Variants in CRMP1 observed in about 807,000 individuals in gnomAD.
CRMP1 encodes the protein dihydropyrimidinase-related protein 1.
In CRMP1, 19 loss-of-function variants were observed where a neutral mutation model predicts 68.3. The observed-to-expected ratio is 0.28, with a 90% CI of 0.19 to 0.41. The LOEUF is 0.41. CRMP1 is among the 10% of genes least tolerant of loss of function. The probability of loss-of-function intolerance (pLI) is 1.00; values close to 1 mark genes in which losing one functional copy is unlikely to be tolerated. For missense variants in CRMP1, 791 were observed against 967.4 expected, an observed-to-expected ratio of 0.82 and a Z score of 2.42; for synonymous variants, 439 against 399.6, an observed-to-expected ratio of 1.10 and a Z score of -1.18.
At chr4:5,822,147 G>A (rs1026620353) in intron 13 of CRMP1, among the ~76,000 whole-genome samples, 2 of 152,264 alleles carry the variant, frequency 1.3e-5, no homozygotes, top group Non-Finnish European at 2.9e-5. Context: ...CTTACTGAGT[G>A]CCTACTGTGT....
chr4:5,846,757 ATTTTTTTTTTTTTTT>A (rs71171490), intron 6 of CRMP1, among the ~76,000 whole-genome samples: 14 of 53,742 alleles, frequency 2.6e-4, no homozygotes, highest in South Asian at 6.9e-4. Flanking sequence ...TGCCCGGCTA[ATTTTTTTTTTTTTTT>A]TTTTTTTTTT....
chr4:5,887,328 C>T, intron 1 of CRMP1: 1 of 982,540 alleles, frequency 1.0e-6, no homozygotes, highest in African/African-American at 1.7e-5. Context: ...TCTGGAGTCA[C>T]CCTGGAGGAT....
In CRMP1 at chr4:5,892,490, C is replaced by A; in HGVS notation, c.381+99G>T. On this transcript the variant is annotated intron_variant, in intron 1 of 13. Coordinates refer to ENST00000324989, the MANE Select transcript of CRMP1 (RefSeq NM_001014809.3). The surrounding 1 kb of genome is among the most constrained non-coding windows in gnomAD (Gnocchi z 8.6). ...CTCTCCCCAGCCTGGCGGCCGCTGC[C>A]CCAACACCGGGGCCCGGGCATGGCC... The A allele has an allele frequency of 9.1e-7, 1 of 1,103,788 alleles. No individual in the cohort carries two copies. Among genetic ancestry groups the A allele is most frequent in the Admixed American group, 4.9e-5 (1 of 20,470 alleles). 68.4% of individuals were successfully genotyped at this position (1,103,788 alleles called of 1,614,324 possible).
rs1715790141 is a variant in CRMP1 at position 5,888,710 on chromosome 4, CAG to C, written c.381+3877_381+3878del. ...GGGCCCTGGCCTCGCTCTCGCGATC[CAG>C]AGAGTATGGTTTTCAGGGCTCCTTT... On this transcript the variant is annotated intron_variant, in intron 1 of 13. Coordinates refer to ENST00000324989, the MANE Select transcript of CRMP1 (RefSeq NM_001014809.3). This position sits in a 1 kb window ranked among gnomAD's most constrained non-coding sequence, Gnocchi z 6.4. 1.3e-6 allele frequency: 1 copy of C among 799,948 alleles called. No individual in the cohort carries two copies. Among genetic ancestry groups the C allele is most frequent in the Non-Finnish European group, 1.5e-6 (1 of 661,362 alleles). The allele number at this position is 799,948 out of a possible 1,614,324, so 49.6% of individuals were successfully genotyped here.
At position 5,866,242 on chromosome 4, in the gene CRMP1, C is replaced by T. The variant is rs1203682862; in HGVS notation, c.470+426G>A. 6.6e-6 allele frequency among the ~76,000 whole-genome samples: 1 copy of T among 152,184 alleles called. No homozygotes were observed. The highest frequency in any genetic ancestry group is 1.5e-5 in the Non-Finnish European group (1 of 68,038). Reference sequence around the variant, plus strand: ...TCCTTCCTCTCTGCTCTCCTCAACCCAATTCCAGAAACTGTGGGTAGGTGG... The same window carrying T: ...TCCTTCCTCTCTGCTCTCCTCAACCTAATTCCAGAAACTGTGGGTAGGTGG... On this transcript the variant is annotated intron_variant, in intron 2 of 13. Coordinates refer to ENST00000324989, the MANE Select transcript of CRMP1 (RefSeq NM_001014809.3). This position sits in a 1 kb window ranked among gnomAD's most constrained non-coding sequence, Gnocchi z 5.9.
chr4:5,888,193 G>C lies in CRMP1; in HGVS notation c.381+4396C>G. The C allele has an allele frequency of 8.0e-7, 1 of 1,251,862 alleles. No individual in the cohort carries two copies. Among genetic ancestry groups the C allele is most frequent in the Non-Finnish European group, 1.0e-6 (1 of 995,704 alleles). 77.5% of individuals were successfully genotyped at this position (1,251,862 alleles called of 1,614,324 possible). The stretch of plus-strand genomic sequence containing the variant: ...GGGCGCCCACTCCCAGCCCACAAAG[G>C]CCAGCGCGGGGCGGCGGGGGCGGGG... On this transcript the variant is annotated intron_variant, in intron 1 of 13. Coordinates refer to ENST00000324989, the MANE Select transcript of CRMP1 (RefSeq NM_001014809.3). This position sits in a 1 kb window ranked among gnomAD's most constrained non-coding sequence, Gnocchi z 6.4.
intron 1 of CRMP1, among the ~76,000 whole-genome samples, chr4:5,868,281 A>ATATATCTATC: frequency 1.1e-5 from 1 of 89,144 alleles, no homozygotes; most frequent in Non-Finnish European, 2.4e-5. Flanking sequence ...ATATATATAT[A>ATATATCTATC]TATATATATA....
intron 12 of CRMP1, chr4:5,826,577 G>C (rs1719661875): frequency 6.6e-6 from 1 of 152,198 alleles, no homozygotes; most frequent in Non-Finnish European, 1.5e-5. Flanking sequence ...TTCCAGGCAG[G>C]AGGCTGTCAG....
In CRMP1 at chr4:5,824,273, T is replaced by C. The variant is rs560535304; in HGVS notation, c.1969+1221A>G. On this transcript the variant is annotated intron_variant, in intron 13 of 13. Transcript: ENST00000324989. ...ATGAAGCCAATCCCTGGTTTGCTGA[T>C]TGAGCATCACATGACTTTTAGCATT... 17 of 985,036 alleles carry C rather than the reference T, an allele frequency of 1.7e-5. No homozygotes were observed. The African/African-American group carries it at 2.8e-4, about 16-fold the overall frequency. The allele number at this position is 985,036 out of a possible 1,614,324, so 61.0% of individuals were successfully genotyped here. A position where few individuals can be genotyped will look rare whatever the true frequency, so the allele number is the denominator to read the frequency against.
Position 5,841,171 on chromosome 4 carries a change from T to G in CRMP1, c.1153+137A>C. On this transcript the variant is annotated intron_variant, in intron 8 of 13. Coordinates refer to ENST00000324989, the MANE Select transcript of CRMP1 (RefSeq NM_001014809.3). This position sits in a 1 kb window ranked among gnomAD's most constrained non-coding sequence, Gnocchi z 6.9. ...ACCAAAGAATTCCAGCCACCATCCT[T>G]GTGTCAGGAGCATCCCCGCTCCACC... 2 of 1,302,162 alleles carry G rather than the reference T, an allele frequency of 1.5e-6. No individual in the cohort carries two copies. The highest frequency in any genetic ancestry group is 1.3e-5 in the South Asian group (1 of 76,832). 80.7% of individuals were successfully genotyped at this position (1,302,162 alleles called of 1,614,324 possible).
At chr4:5,849,771 T>C (rs1712486837) in intron 5 of CRMP1, among the ~76,000 whole-genome samples, 1 of 152,200 alleles carries the variant, frequency 6.6e-6, no homozygotes, top group African/African-American at 2.4e-5. Flanking sequence ...CCTTTTGCTG[T>C]CTTTTTGGGT....
At chr4:5,856,945 C>CCACCATCCACTAT (rs1713134064) in intron 3 of CRMP1, among the ~76,000 whole-genome samples, 1 of 9,624 alleles carries the variant, frequency 1.0e-4, no homozygotes, top group Non-Finnish European at 2.3e-4. Context: ...ACCATCATCA[C>CCACCATCCACTAT]CATCACCACC....
rs1712523050 is a variant in CRMP1 at position 5,850,257 on chromosome 4, T to C, written c.883-785A>G. ...CAAATAGGGAAGGCATGTGGAGGCA[T>C]GAAGCACTTTTGAGAACCTGCACGC... On this transcript the variant is annotated intron_variant, in intron 5 of 13. Coordinates refer to ENST00000324989, the MANE Select transcript of CRMP1 (RefSeq NM_001014809.3). This position sits in a 1 kb window ranked among gnomAD's most constrained non-coding sequence, Gnocchi z 4.4. Among the ~76,000 whole-genome samples, 1 of 152,226 alleles carries C rather than the reference T, an allele frequency of 6.6e-6. No individual in the cohort carries two copies. The highest frequency in any genetic ancestry group is 1.5e-5 in the Non-Finnish European group (1 of 68,048).
intron 6 of CRMP1, among the ~76,000 whole-genome samples, chr4:5,844,140 G>A (rs1712007189): frequency 6.6e-6 from 1 of 152,018 alleles, no homozygotes. Flanking sequence ...TTAAGCTCGA[G>A]GTTATTACAA....
At position 5,872,140 on chromosome 4, in the gene CRMP1, C is replaced by T. The variant is rs1714499352; in HGVS notation, c.382-5384G>A. Among the ~76,000 whole-genome samples, 1 of 152,266 alleles carries T rather than the reference C, an allele frequency of 6.6e-6. No homozygotes were observed. The highest frequency in any genetic ancestry group is 2.1e-4 in the South Asian group (1 of 4,812). On this transcript the variant is annotated intron_variant, in intron 1 of 13. Transcript: ENST00000324989. The surrounding 1 kb of genome is among the most constrained non-coding windows in gnomAD (Gnocchi z 4.6). ...TCATAAGAAGATAGAACTTAGAACC[C>T]TCCCCCACCCAAGTAATAAGATCAA...
Position 5,860,955 on chromosome 4 carries a change from A to C in CRMP1, c.655+71T>G, listed in dbSNP as rs1021013725. 2.0e-6 allele frequency: 3 copies of C among 1,496,448 alleles called. No individual in the cohort carries two copies. The allele number at this position is 1,496,448 out of a possible 1,614,324, so 92.7% of individuals were successfully genotyped here. A position where few individuals can be genotyped will look rare whatever the true frequency, so the allele number is the denominator to read the frequency against. On this transcript the variant is annotated intron_variant, in intron 3 of 13. Transcript: ENST00000324989. The surrounding 1 kb of genome is among the most constrained non-coding windows in gnomAD (Gnocchi z 4.2). ...GCAGAGAGCCTCGAACACACTGAGC[A>C]CTTGTGATGCTGGTGATGGGGAGGA...
chr4:5,823,361 C>G (rs1718998880), intron 13 of CRMP1, among the ~76,000 whole-genome samples: 1 of 152,238 alleles, frequency 6.6e-6, no homozygotes, highest in Non-Finnish European at 1.5e-5. Context: ...GGCCTGGAAT[C>G]AGGCCTAGCA....
Position 5,825,719 on chromosome 4 carries a change from A to C in CRMP1, c.1804-60T>G, listed in dbSNP as rs1719456423. Reference sequence around the variant, plus strand: ...ACTGTGCATGTGTGCCCTTCTGGGCAGATAAAGCAGAGCCCTGCGGGCGAG... The same window carrying C: ...ACTGTGCATGTGTGCCCTTCTGGGCCGATAAAGCAGAGCCCTGCGGGCGAG... On this transcript the variant is annotated intron_variant, in intron 12 of 13. Coordinates refer to ENST00000324989, the MANE Select transcript of CRMP1 (RefSeq NM_001014809.3). The surrounding 1 kb of genome is among the most constrained non-coding windows in gnomAD (Gnocchi z 4.4). 1 of 1,564,106 alleles carries C rather than the reference A, an allele frequency of 6.4e-7. No individual in the cohort carries two copies. Among genetic ancestry groups the C allele is most frequent in the Admixed American group, 2.0e-5 (1 of 50,840 alleles).
At chr4:5,849,549 G>A (rs892381782) in intron 5 of CRMP1, 77 bp from the exon 6 acceptor site, 15 of 982,360 alleles carry the variant, frequency 1.5e-5, no homozygotes, top group African/African-American at 6.6e-5. Context: ...CATGAAGACC[G>A]TTCCGATCAC....
Sources: allele counts gnomAD v4.1 joint callset (sites outside exome capture counted in the v4.1 genomes callset), GRCh38; gene constraint gnomAD v4.1.1; non-coding constraint Gnocchi (gnomAD v3.1); transcripts MANE v1.5; gene names NCBI Gene and HGNC (gene_info 2026-07-23, HGNC 2026-07-21).